The following QTMAN variants were observed in gnomAD, a reference collection of about 807,000 sequenced individuals.
QTMAN encodes the protein tRNA-queuosine alpha-mannosyltransferase.
At chr2:144,279,371 A>G in the QTMAN span, among the ~76,000 whole-genome samples, 89 of 144,698 alleles carry the variant, frequency 6.2e-4, no homozygotes, top group African/African-American at 2.1e-3. Flanking sequence ...TCCTCACCGC[A>G]AGAAAAAAAA....
the QTMAN span, among the ~76,000 whole-genome samples, chr2:144,238,086 C>A: frequency 6.6e-6 from 1 of 152,206 alleles, no homozygotes; most frequent in South Asian, 2.1e-4. Flanking sequence ...AGGCTGCACT[C>A]CAATCCCTTT....
the QTMAN span, among the ~76,000 whole-genome samples, chr2:144,097,571 G>T: frequency 5.3e-5 from 8 of 152,276 alleles, no homozygotes; most frequent in African/African-American, 1.7e-4. Flanking sequence ...GGGCTGGAGG[G>T]TGGGAAGGGG....
the QTMAN span, among the ~76,000 whole-genome samples, chr2:144,235,116 T>G: frequency 6.6e-6 from 1 of 152,202 alleles, no homozygotes; most frequent in Non-Finnish European, 1.5e-5. Context: ...ACACTGATAG[T>G]TGCAGGCAAG....
At chr2:144,105,942 G>T in the QTMAN span, among the ~76,000 whole-genome samples, 1 of 152,140 alleles carries the variant, frequency 6.6e-6, no homozygotes. Context: ...AGAGTGGGGG[G>T]CCAATATTCA....
chr2:144,332,789 T>C, the QTMAN span, among the ~76,000 whole-genome samples: 2 of 152,132 alleles, frequency 1.3e-5, no homozygotes, highest in South Asian at 4.1e-4. Context: ...GTGCGCCCTT[T>C]CCCATCTCGT....
the QTMAN span, among the ~76,000 whole-genome samples, chr2:144,204,985 G>A: frequency 8.7e-6 from 1 of 115,562 alleles, no homozygotes; most frequent in Non-Finnish European, 1.7e-5. Flanking sequence ...ACACACCGGG[G>A]CCTGTTGTGG....
the QTMAN span, among the ~76,000 whole-genome samples, chr2:144,251,736 A>G: frequency 3.3e-5 from 5 of 152,246 alleles, no homozygotes; most frequent in African/African-American, 4.8e-5. Flanking sequence ...GCTCAACTTC[A>G]TTAAAATGAA....
At chr2:144,230,114 G>T in the QTMAN span, 1 of 151,532 alleles carries the variant, frequency 6.6e-6, no homozygotes, top group African/African-American at 2.4e-5. Flanking sequence ...ATATATCTGG[G>T]GTCCCTATAT....
the QTMAN span, among the ~76,000 whole-genome samples, chr2:144,133,685 T>A: frequency 6.8e-6 from 1 of 147,834 alleles, no homozygotes; most frequent in Non-Finnish European, 1.5e-5. Context: ...AGATTTATAT[T>A]AGATATAAAG....
the QTMAN span, among the ~76,000 whole-genome samples, chr2:144,088,805 T>C: frequency 6.6e-6 from 1 of 151,954 alleles, no homozygotes; most frequent in Non-Finnish European, 1.5e-5. Context: ...TCTCTCAACA[T>C]ACACAAAAAT....
chr2:144,190,201 G>A, the QTMAN span, among the ~76,000 whole-genome samples: 3 of 152,030 alleles, frequency 2.0e-5, no homozygotes, highest in African/African-American at 7.2e-5. Context: ...ATCAAGATTG[G>A]CTATTTATTT....
the QTMAN span, chr2:144,235,631 G>A: frequency 6.6e-6 from 1 of 152,542 alleles, no homozygotes; most frequent in Admixed American, 6.6e-5. Flanking sequence ...TATTGCCACA[G>A]GACGGAATTG....
At chr2:144,039,293 C>T in the QTMAN span, among the ~76,000 whole-genome samples, 1 of 152,090 alleles carries the variant, frequency 6.6e-6, no homozygotes, top group Non-Finnish European at 1.5e-5. Flanking sequence ...CCCCCTCCCC[C>T]CTGCTCCTTT....
At chr2:144,330,706 TCAAA>T in the QTMAN span, among the ~76,000 whole-genome samples, 1 of 152,156 alleles carries the variant, frequency 6.6e-6, no homozygotes, top group Non-Finnish European at 1.5e-5. Flanking sequence ...GATACCATAA[TCAAA>T]CAAACTTTAG....
the QTMAN span, among the ~76,000 whole-genome samples, chr2:144,329,976 A>G: frequency 1.3e-4 from 20 of 152,330 alleles, no homozygotes; most frequent in East Asian, 3.1e-3. Context: ...GCCAACAAGT[A>G]TTTACTAAAT....
At chr2:144,277,876 T>C in the QTMAN span, among the ~76,000 whole-genome samples, 3 of 152,184 alleles carry the variant, frequency 2.0e-5, no homozygotes, top group Non-Finnish European at 4.4e-5. Context: ...TGTCATACAA[T>C]ACCAAAATGG....
At chr2:144,127,754 T>C in the QTMAN span, among the ~76,000 whole-genome samples, 2 of 151,998 alleles carry the variant, frequency 1.3e-5, no homozygotes, top group Non-Finnish European at 2.9e-5. Context: ...TAGGACTTAA[T>C]GTTAGAGAAT....
the QTMAN span, among the ~76,000 whole-genome samples, chr2:144,080,263 A>G: frequency 1.3e-5 from 2 of 152,182 alleles, no homozygotes; most frequent in Non-Finnish European, 2.9e-5. Context: ...TTTAGAGTGT[A>G]CAATTAAATA....
chr2:144,090,608 AT>A, the QTMAN span, among the ~76,000 whole-genome samples: 1 of 152,062 alleles, frequency 6.6e-6, no homozygotes, highest in African/African-American at 2.4e-5. Context: ...AAAGGAAACC[AT>A]AACAGCATCA....
Sources: allele counts gnomAD v4.1 joint callset (sites outside exome capture counted in the v4.1 genomes callset), GRCh38; gene constraint gnomAD v4.1.1; transcripts MANE v1.5; gene names NCBI Gene and HGNC (gene_info 2026-07-23, HGNC 2026-07-21).